The following CLCA2 variants were observed in gnomAD, a reference collection of about 807,000 sequenced individuals.
CLCA2 encodes the protein calcium-activated chloride channel regulator 2.
CLCA2 carries 85 observed loss-of-function variants against 82.9 expected under a neutral mutation model. That is an observed-to-expected ratio of 1.03 (90% confidence interval 0.86 to 1.23). The LOEUF is 1.23. Ranked by LOEUF, CLCA2 falls within the 50% of genes most tolerant of loss-of-function variation. CLCA2 has a pLI of 0.00. For missense variants in CLCA2, 1,089 were observed against 1,124.8 expected (o/e 0.97, Z 0.45); for synonymous variants, 421 against 391.7 (o/e 1.07, Z -0.88).
intron 5 of CLCA2, 93 bp from the exon 6 acceptor site, chr1:86,434,425 A>G (rs1201638837): frequency 1.0e-6 from 1 of 982,558 alleles, no homozygotes; most frequent in Non-Finnish European, 1.5e-6. Flanking sequence ...CTTTCAGTTC[A>G]CCTTTTCTTT....
At chr1:86,442,953 G>A (rs1014175317) in intron 9 of CLCA2, among the ~76,000 whole-genome samples, 2 of 152,126 alleles carry the variant, frequency 1.3e-5, no homozygotes, top group Admixed American at 6.6e-5. Flanking sequence ...TTTAGCATGG[G>A]GCCAGGCATA....
At chr1:86,440,439 A>T (rs1662704883) in intron 8 of CLCA2, 114 bp downstream of exon 8, 3 of 988,124 alleles carry the variant, frequency 3.0e-6, no homozygotes, top group Admixed American at 3.1e-5. Context: ...AATTGTTTTT[A>T]AAAAACGCAC....
At position 86,439,423 on chromosome 1, in the gene CLCA2, A is replaced by T. The variant is rs116838581; in HGVS notation, c.1203+317A>T. On this transcript the variant is annotated intron_variant, in intron 7 of 13. Transcript: ENST00000370565. ...GGCATTTTCTAAACTGTTCCTAGCC[A>T]TTCTGGGCCATTTTTACCTTTCAAT... Among the ~76,000 whole-genome samples, 772 of 152,316 alleles carry T rather than the reference A, an allele frequency of 5.1e-3. 5 individuals are homozygous for T. Among genetic ancestry groups the T allele is most frequent in the African/African-American group, 0.018 (729 of 41,574 alleles).
chr1:86,446,738 G>A (rs1221480958), intron 10 of CLCA2, among the ~76,000 whole-genome samples: 1 of 152,122 alleles, frequency 6.6e-6, no homozygotes, highest in Admixed American at 6.5e-5. Context: ...ACTTCTGGGG[G>A]TTTGATAAGG....
Position 86,428,488 on chromosome 1 carries a change from G to A in CLCA2, c.395G>A (p.Cys132Tyr), listed in dbSNP as rs907163676. The A allele has an allele frequency of 6.2e-7, 1 of 1,613,726 alleles. No homozygotes were observed. The highest frequency in any genetic ancestry group is 1.3e-5 in the African/African-American group (1 of 74,898). The change falls in exon 3 of 14, where the codon TGT (cysteine) becomes TAT (tyrosine). Residue 132 changes from cysteine to tyrosine, a missense_variant. Coordinates refer to ENST00000370565, the MANE Select transcript of CLCA2 (RefSeq NM_006536.7). ...DDPYTLQYRGCGKEGKYIHFT... is the reference protein window; with the variant it reads ...DDPYTLQYRGYGKEGKYIHFT... ...CCATACACCCTACAATACAGAGGGT[G>A]TGGAAAAGAGGGAAAATACATTCAT...
intron 3 of CLCA2, among the ~76,000 whole-genome samples, chr1:86,429,598 G>C (rs969511985): frequency 6.6e-6 from 1 of 152,192 alleles, no homozygotes; most frequent in Admixed American, 6.5e-5. Flanking sequence ...CATAGGCCTA[G>C]AGACTGGTAT....
At chr1:86,439,744 G>A (rs1332454509) in intron 7 of CLCA2, among the ~76,000 whole-genome samples, 4 of 152,052 alleles carry the variant, frequency 2.6e-5, no homozygotes. Context: ...CAGAGATTCT[G>A]ATTTAATTGA....
chr1:86,429,448 G>GA (rs796589044), intron 3 of CLCA2, among the ~76,000 whole-genome samples: 2 of 152,146 alleles, frequency 1.3e-5, no homozygotes, highest in Non-Finnish European at 2.9e-5. Context: ...GTCAGACATG[G>GA]AAAAAACCAG....
At chr1:86,446,769 A>G (rs1662863214) in intron 10 of CLCA2, among the ~76,000 whole-genome samples, 1 of 152,216 alleles carries the variant, frequency 6.6e-6, no homozygotes, top group Non-Finnish European at 1.5e-5. Flanking sequence ...GAAGTCAGGG[A>G]AAAGCAATAT....
intron 9 of CLCA2, among the ~76,000 whole-genome samples, chr1:86,442,634 C>T (rs1670391073): frequency 1.3e-5 from 2 of 152,178 alleles, no homozygotes; most frequent in South Asian, 4.1e-4. Context: ...AATGTCTTTG[C>T]TGTTATCCAC....
rs377324546 is a variant in CLCA2, at chr1:86,434,785, T to G, written c.972+40T>G. The G allele has an allele frequency of 6.1e-6, 9 of 1,468,210 alleles. No homozygotes were observed. In the African/African-American group the frequency reaches 1.2e-4, roughly 20 times the overall value. The allele number at this position is 1,468,210 out of a possible 1,614,324, so 90.9% of individuals were successfully genotyped here. ...GAAAATGAATGTAAACATTTATCATTTTTTCTATCAGTTCTTTATTATCTC... is the reference window on the plus strand; with the variant it reads ...GAAAATGAATGTAAACATTTATCATGTTTTCTATCAGTTCTTTATTATCTC... On this transcript the variant is annotated intron_variant, in intron 6 of 13. Coordinates refer to ENST00000370565, the MANE Select transcript of CLCA2 (RefSeq NM_006536.7).
chr1:86,451,290 G>T (rs1236226490), intron 12 of CLCA2, among the ~76,000 whole-genome samples: 5 of 152,160 alleles, frequency 3.3e-5, no homozygotes, highest in Non-Finnish European at 5.9e-5. Flanking sequence ...CTGATAGGAA[G>T]CGGTGGTTAA....
intron 6 of CLCA2, among the ~76,000 whole-genome samples, chr1:86,437,602 A>C (rs1662639108): frequency 1.3e-5 from 2 of 152,156 alleles, no homozygotes; most frequent in African/African-American, 4.8e-5. Flanking sequence ...TGTTCAAGGG[A>C]AGGGCATTCA....
At chr1:86,430,499 T>G (rs1662474523) in intron 3 of CLCA2, among the ~76,000 whole-genome samples, 1 of 152,160 alleles carries the variant, frequency 6.6e-6, no homozygotes, top group Non-Finnish European at 1.5e-5. Context: ...TTCTTTCCCT[T>G]TCTCCAAACC....
rs565800619 is a variant in CLCA2 at position 86,438,903 on chromosome 1, G to A, written c.1000G>A (p.Ala334Thr). The change falls in exon 7 of 14, where the codon GCC (alanine) becomes ACC (threonine). Residue 334 changes from alanine (A) to threonine (T), a missense_variant. Physicochemically the swap from Ala to Thr is moderately conservative, Grantham distance 58 (BLOSUM62 0). Transcript: ENST00000370565. ...EADRLLQLQQ[A>T]AEFYLMQIVE... ...TGACAGACTCCTTCAACTACAACAA[G>A]CCGCAGAATTTTATTTGATGCAGAT... 6.2e-6 allele frequency: 10 copies of A among 1,614,012 alleles called. No homozygotes were observed. The African/African-American group carries it at 6.7e-5, about 11-fold the overall frequency.
chr1:86,434,719 C>G lies in CLCA2; in HGVS notation c.946C>G (p.Leu316Val), dbSNP rs150445316. ...TGGTGACAAAGTGGTCTGTTTAGTG[C>G]TGGATGTGTCCAGCAAGATGGCAGA... Reference protein sequence around the residue: ...QAGDKVVCLVLDVSSKMAEAD... With the variant: ...QAGDKVVCLVVDVSSKMAEAD... Residue 316 changes from leucine (L) to valine (V), a missense_variant, in exon 6 of 14, where the codon CTG (leucine) becomes GTG (valine). By Grantham distance (32) the Leu-to-Val change is conservative. Transcript: ENST00000370565. The G allele has an allele frequency of 6.2e-7, 1 of 1,613,320 alleles. No individual in the cohort carries two copies. The highest frequency in any genetic ancestry group is 1.3e-5 in the African/African-American group (1 of 74,908).
intron 11 of CLCA2, among the ~76,000 whole-genome samples, chr1:86,450,173 A>C (rs1662933498): frequency 6.6e-6 from 1 of 152,204 alleles, no homozygotes; most frequent in Non-Finnish European, 1.5e-5. Flanking sequence ...GTGCATATAT[A>C]TTTATTTCCT....
chr1:86,436,047 A>G (rs1234607268), intron 6 of CLCA2, among the ~76,000 whole-genome samples: 1 of 152,228 alleles, frequency 6.6e-6, no homozygotes, highest in East Asian at 1.9e-4. Flanking sequence ...TCAACATATT[A>G]TCTATGGATA....
At chr1:86,440,484 AT>A (rs56285235) in intron 8 of CLCA2, among the ~76,000 whole-genome samples, 159 bp downstream of exon 8, 10,255 of 150,494 alleles carry the variant, frequency 0.068, 368 homozygotes, top group Middle Eastern at 0.12. Flanking sequence ...AATTTTGCTG[AT>A]TTTTTTTTTA....
Sources: allele counts gnomAD v4.1 joint callset (sites outside exome capture counted in the v4.1 genomes callset), GRCh38; gene constraint gnomAD v4.1.1; transcripts MANE v1.5; gene names NCBI Gene and HGNC (gene_info 2026-07-23, HGNC 2026-07-21).